Variants in MYRIP observed in about 807,000 individuals in gnomAD.
MYRIP encodes the protein rab effector MyRIP.
MYRIP carries 49 observed loss-of-function variants against 98.0 expected under a neutral mutation model. The observed-to-expected ratio is 0.50, with a 90% CI of 0.40 to 0.63. The LOEUF is 0.63. Ranked by LOEUF, MYRIP falls within the 30% of genes least tolerant of loss-of-function variation. The pLI is 0.00. For missense variants in MYRIP, 1,004 were observed against 1,058.2 expected (o/e 0.95, Z 0.71); for synonymous variants, 404 against 409.5 (o/e 0.99, Z 0.16).
chr3:40,074,786 C>A (rs1256832830), intron 3 of MYRIP, among the ~76,000 whole-genome samples: 1 of 152,060 alleles, frequency 6.6e-6, no homozygotes. Context: ...AGAAAACAAC[C>A]TAATTTAAAA....
At chr3:40,151,301 A>G in intron 4 of MYRIP, 117 bp downstream of exon 4, 1 of 1,119,764 alleles carries the variant, frequency 8.9e-7, no homozygotes, top group Non-Finnish European at 1.2e-6. Context: ...TTGCTTAAAT[A>G]TCTGGCACCA....
At chr3:40,134,981 C>T (rs1335427614) in intron 3 of MYRIP, among the ~76,000 whole-genome samples, 1 of 152,156 alleles carries the variant, frequency 6.6e-6, no homozygotes, top group Non-Finnish European at 1.5e-5. Context: ...AGCACCTCTC[C>T]TCCTCCAAAG....
At chr3:39,980,031 T>C (rs1197089646) in intron 2 of MYRIP, among the ~76,000 whole-genome samples, 1 of 152,130 alleles carries the variant, frequency 6.6e-6, no homozygotes, top group African/African-American at 2.4e-5. Flanking sequence ...ATCACAGAAA[T>C]CAGTGTCAAA....
chr3:40,230,235 T>C (rs1354793322), intron 11 of MYRIP, among the ~76,000 whole-genome samples: 3 of 152,226 alleles, frequency 2.0e-5, no homozygotes, highest in Non-Finnish European at 4.4e-5. Flanking sequence ...CACAATGGCA[T>C]GCTCTGTCTG....
intron 8 of MYRIP, among the ~76,000 whole-genome samples, chr3:40,171,236 G>A (rs1327572999): frequency 1.3e-5 from 2 of 152,028 alleles, no homozygotes; most frequent in Admixed American, 6.5e-5. Flanking sequence ...CACGGGTAAG[G>A]CTGGTAAAAA....
chr3:40,199,514 G>A (rs1951493596), intron 10 of MYRIP, among the ~76,000 whole-genome samples: 1 of 152,136 alleles, frequency 6.6e-6, no homozygotes. Context: ...CATGCATGTT[G>A]GCAGTAAGCT....
intron 2 of MYRIP, among the ~76,000 whole-genome samples, chr3:39,905,652 G>A (rs1161634189): frequency 1.3e-5 from 2 of 152,084 alleles, no homozygotes; most frequent in Non-Finnish European, 2.9e-5. Context: ...ATACATACAA[G>A]GTTGGGGCAT....
chr3:40,141,045 T>C (rs188107036), intron 3 of MYRIP, among the ~76,000 whole-genome samples: 6 of 152,282 alleles, frequency 3.9e-5, no homozygotes, highest in Admixed American at 3.9e-4. Flanking sequence ...CATCTTCATC[T>C]CCCTCTCCAC....
intron 11 of MYRIP, among the ~76,000 whole-genome samples, chr3:40,225,501 A>C (rs534211278): frequency 6.6e-6 from 1 of 152,142 alleles, no homozygotes; most frequent in Non-Finnish European, 1.5e-5. Context: ...CCCACAGTCC[A>C]CTGGGTCCAG....
chr3:39,868,425 C>T (rs1942686423), intron 1 of MYRIP, among the ~76,000 whole-genome samples: 1 of 152,104 alleles, frequency 6.6e-6, no homozygotes, highest in Admixed American at 6.6e-5. Flanking sequence ...CAATTAAGTG[C>T]TTTTCTTGGC....
chr3:40,033,468 C>A (rs1475501747), intron 2 of MYRIP, among the ~76,000 whole-genome samples: 1 of 152,174 alleles, frequency 6.6e-6, no homozygotes, highest in Non-Finnish European at 1.5e-5. Context: ...CTCCCGTTCA[C>A]AGTTGTTTCA....
chr3:40,212,950 G>C (rs772432875), intron 11 of MYRIP, among the ~76,000 whole-genome samples: 4 of 152,048 alleles, frequency 2.6e-5, no homozygotes, highest in Non-Finnish European at 4.4e-5. Flanking sequence ...AAAGGAAAAA[G>C]AAAAACAAAA....
intron 2 of MYRIP, among the ~76,000 whole-genome samples, chr3:39,917,383 A>G (rs972759372): frequency 1.7e-4 from 26 of 148,984 alleles, no homozygotes; most frequent in African/African-American, 6.2e-4. Flanking sequence ...GTGAAACTAA[A>G]CACAAACATA....
In MYRIP at chr3:40,244,556, G is replaced by A. The variant is rs1953125481; in HGVS notation, c.2211G>A (p.Leu737=). 1 of 1,614,048 alleles carries A rather than the reference G, an allele frequency of 6.2e-7. No individual in the cohort carries two copies. Among genetic ancestry groups the A allele is most frequent in the East Asian group, 2.2e-5 (1 of 44,870 alleles). Residue 737 remains leucine, a synonymous_variant, in exon 13 of 17, where the codon CTG becomes CTA. Transcript: ENST00000302541. ...SGTDETHLAD[L]EDQVATAAAQ... ...CTGATGAGACCCATCTGGCGGATCT[G>A]GAGGACCAGGTGGCCACGGCTGCAG...
At position 40,212,143 on chromosome 3, in the gene MYRIP, C is replaced by T. The variant is rs9681859; in HGVS notation, c.1905+2050C>T. ...ATATATATACGTGTATATATATATA[C>T]ATATATATACGTGTATATATATATA... On this transcript the variant is annotated intron_variant, in intron 11 of 16. Transcript: ENST00000302541. Among the ~76,000 whole-genome samples, 4 of 18,152 alleles carry T rather than the reference C, an allele frequency of 2.2e-4. 1 individual carries two copies. The highest frequency in any genetic ancestry group is 3.5e-4 in the African/African-American group (4 of 11,436). 11.9% of individuals were successfully genotyped at this position (18,152 alleles called of 152,430 possible).
At chr3:40,241,377 T>C (rs1194776345) in intron 12 of MYRIP, among the ~76,000 whole-genome samples, 1 of 152,222 alleles carries the variant, frequency 6.6e-6, no homozygotes, top group Non-Finnish European at 1.5e-5. Flanking sequence ...AAAGAGGATG[T>C]AGCACTAGAA....
Position 40,258,317 on chromosome 3 carries a change from C to T in MYRIP, c.*151C>T, listed in dbSNP as rs1953665585. The stretch of plus-strand genomic sequence containing the variant: ...ACCATTGCACAGGGCTGTCCTGATA[C>T]CTCATCCAGAAAGCCGTCTCAGACT... On this transcript the variant is annotated 3_prime_UTR_variant, in exon 17 of 17. Coordinates refer to ENST00000302541, the MANE Select transcript of MYRIP (RefSeq NM_015460.4). 3.6e-6 allele frequency: 3 copies of T among 831,326 alleles called. No homozygotes were observed. The highest frequency in any genetic ancestry group is 1.7e-5 in the African/African-American group (1 of 60,164). 51.5% of individuals were successfully genotyped at this position (831,326 alleles called of 1,614,324 possible). A position where few individuals can be genotyped will look rare whatever the true frequency, so the allele number is the denominator to read the frequency against.
At chr3:40,187,834 A>G (rs970412664) in intron 9 of MYRIP, among the ~76,000 whole-genome samples, 5 of 152,218 alleles carry the variant, frequency 3.3e-5, no homozygotes, top group Non-Finnish European at 7.3e-5. Context: ...AGGCCATGAT[A>G]TAAGCAGGGA....
At chr3:40,197,861 T>C (rs1425432304) in intron 10 of MYRIP, among the ~76,000 whole-genome samples, 5 of 152,226 alleles carry the variant, frequency 3.3e-5, no homozygotes, top group Admixed American at 6.5e-5. Context: ...ATGAGGATAA[T>C]GCTATTCCCA....
Sources: gnomAD v4.1 joint callset for allele counts (sites outside exome capture counted in the v4.1 genomes callset) on GRCh38, gnomAD v4.1.1 for gene constraint, MANE v1.5 for transcripts, NCBI Gene and HGNC (gene_info 2026-07-23, HGNC 2026-07-21) for gene names.